FRMD4B: variants seen among roughly 807,000 people sequenced by gnomAD.
FRMD4B encodes FERM domain-containing protein 4B.
Under a neutral mutation model 141.5 loss-of-function variants are expected in FRMD4B, and 74 were observed. The observed-to-expected ratio is 0.52, with a 90% CI of 0.43 to 0.63. The LOEUF (loss-of-function observed/expected upper bound fraction) is 0.63, where lower values mean the gene tolerates loss of function less well. Ranked by LOEUF, FRMD4B falls within the 30% of genes least tolerant of loss-of-function variation. The pLI, the probability that FRMD4B is intolerant of heterozygous loss-of-function variation, is 0.00. For missense variants in FRMD4B, 1,366 were observed against 1,253.4 expected, an observed-to-expected ratio of 1.09 and a Z score of -1.36; for synonymous variants, 506 against 467.9, an observed-to-expected ratio of 1.08 and a Z score of -1.05.
rs1193833239 is a variant in FRMD4B at position 69,169,673 on chromosome 3, A to G, written c.*2188T>C. Among the ~76,000 whole-genome samples, 2 of 151,968 alleles carry G rather than the reference A, an allele frequency of 1.3e-5. No homozygotes were observed. The highest frequency in any genetic ancestry group is 3.9e-4 in the East Asian group (2 of 5,166). On this transcript the variant is annotated 3_prime_UTR_variant, in exon 23 of 23. Transcript: ENST00000398540. The stretch of plus-strand genomic sequence containing the variant: ...TGCCTGGCCCTGAGCTTCCATTTCT[A>G]TACCTTCTTTTCCTCTGTGGGAGCC...
In FRMD4B at chr3:69,435,983, T is replaced by C. The variant is rs150294666; in HGVS notation, c.-128-3222A>G. Among the ~76,000 whole-genome samples the C allele has an allele frequency of 1.6e-3, 245 of 152,320 alleles. 2 individuals carry two copies. The highest frequency in any genetic ancestry group is 3.4e-3 in the Middle Eastern group (1 of 294). On this transcript the variant is annotated intron_variant, in intron 1 of 5. Coordinates refer to the FRMD4B transcript ENST00000459638. ...ATTTGTATAAAAAGGTGCATATCTT[T>C]AGATAACAGAATCACTCTCAGCATA...
intron 1 of FRMD4B, among the ~76,000 whole-genome samples, chr3:69,326,571 C>T (rs1702199862): frequency 6.6e-6 from 1 of 152,174 alleles, no homozygotes; most frequent in Admixed American, 6.5e-5. Flanking sequence ...TACATTTTCC[C>T]CATTGAGCTC....
intron 5 of FRMD4B, among the ~76,000 whole-genome samples, chr3:69,253,959 T>C (rs1276491248): frequency 6.6e-6 from 1 of 152,026 alleles, no homozygotes; most frequent in Non-Finnish European, 1.5e-5. Flanking sequence ...CTCATGTCTA[T>C]ATTCCCACTA....
At chr3:69,334,383 C>T (rs1172079123) in intron 1 of FRMD4B, 1 of 149,362 alleles carries the variant, frequency 6.7e-6, no homozygotes, top group African/African-American at 2.5e-5. Context: ...CTATAAATCC[C>T]AGGACTTTGG....
chr3:69,519,100 T>G (rs1393421503), intron 1 of FRMD4B, among the ~76,000 whole-genome samples: 1 of 152,224 alleles, frequency 6.6e-6, no homozygotes, highest in African/African-American at 2.4e-5. Context: ...AACAGTATCC[T>G]CCATTTCTTT....
chr3:69,346,635 G>A (rs113936093), intron 1 of FRMD4B, among the ~76,000 whole-genome samples: 16 of 152,004 alleles, frequency 1.1e-4, no homozygotes, highest in African/African-American at 2.2e-4. Flanking sequence ...GGGATCTCTC[G>A]GCAGAAACTC....
Position 69,181,689 on chromosome 3 carries a change from G to A in FRMD4B, c.2061C>T (p.His687=), listed in dbSNP as rs749868604. ...SHLEPESSSQ[H]CRQRSGSLES... is the part of the protein sequence containing the mutation. ...CCAGGCTTCCACTCCGCTGGCGGCAGTGCTGAGATGAAGATTCGGGTCTGA... is the reference window on the plus strand; with the variant it reads ...CCAGGCTTCCACTCCGCTGGCGGCAATGCTGAGATGAAGATTCGGGTCTGA... Residue 687 remains histidine (H), a synonymous_variant, in exon 21 of 23, where the codon CAC becomes CAT. Transcript: ENST00000398540. The A allele has an allele frequency of 2.5e-6, 4 of 1,612,034 alleles. No homozygotes were observed. The highest frequency in any genetic ancestry group is 3.4e-6 in the Non-Finnish European group (4 of 1,178,720).
chr3:69,506,223 C>T (rs935382129), intron 1 of FRMD4B, among the ~76,000 whole-genome samples: 1 of 152,114 alleles, frequency 6.6e-6, no homozygotes, highest in African/African-American at 2.4e-5. Flanking sequence ...ATCTTCACCC[C>T]ACTTCCTCTT....
chr3:69,174,136 TG>T (rs1182438273), intron 22 of FRMD4B, among the ~76,000 whole-genome samples: 4 of 24,438 alleles, frequency 1.6e-4, no homozygotes, highest in Middle Eastern at 0.018. Context: ...GGCTCCGTCT[TG>T]GGAAGAAAAA....
intron 2 of FRMD4B, among the ~76,000 whole-genome samples, chr3:69,421,341 A>C (rs1230445546): frequency 6.6e-6 from 1 of 152,184 alleles, no homozygotes; most frequent in Non-Finnish European, 1.5e-5. Flanking sequence ...TCTGAGGTTG[A>C]ATTAGATTAG....
intron 1 of FRMD4B, among the ~76,000 whole-genome samples, chr3:69,359,974 G>A (rs1703427825): frequency 6.6e-6 from 1 of 152,182 alleles, no homozygotes. Context: ...CAGGGCCCAT[G>A]CTCTTACAAA....
chr3:69,243,383 C>T (rs921602786), intron 7 of FRMD4B, among the ~76,000 whole-genome samples: 20 of 151,968 alleles, frequency 1.3e-4, no homozygotes, highest in Admixed American at 4.6e-4. Context: ...ATGGGCCATG[C>T]GGAGAAAAAA....
intron 1 of FRMD4B, among the ~76,000 whole-genome samples, chr3:69,376,306 G>A (rs922576414): frequency 1.3e-5 from 2 of 152,104 alleles, no homozygotes; most frequent in African/African-American, 4.8e-5. Context: ...ACAGTGCTGG[G>A]AGCATAGATT....
chr3:69,517,443 A>C (rs888618358), intron 1 of FRMD4B, among the ~76,000 whole-genome samples: 2 of 152,196 alleles, frequency 1.3e-5, no homozygotes, highest in African/African-American at 4.8e-5. Flanking sequence ...CAGAGAAAAA[A>C]AAATTTTAAC....
chr3:69,537,965 G>T (rs1312064931), intron 1 of FRMD4B, among the ~76,000 whole-genome samples: 2 of 152,188 alleles, frequency 1.3e-5, no homozygotes, highest in African/African-American at 4.8e-5. Context: ...CATTGCTGGG[G>T]CAAAGCCCTC....
intron 1 of FRMD4B, among the ~76,000 whole-genome samples, chr3:69,370,518 G>T (rs897015929): frequency 6.6e-6 from 1 of 152,264 alleles, no homozygotes; most frequent in Non-Finnish European, 1.5e-5. Context: ...CTTTTCTGAT[G>T]AAATGGTCGT....
intron 4 of FRMD4B, among the ~76,000 whole-genome samples, chr3:69,294,647 G>A (rs1456964420): frequency 6.6e-6 from 1 of 152,192 alleles, no homozygotes; most frequent in Admixed American, 6.5e-5. Context: ...CTCTTTCTGA[G>A]TTATCTAGAA....
chr3:69,351,563 C>T (rs917930345), intron 1 of FRMD4B, among the ~76,000 whole-genome samples: 1 of 152,194 alleles, frequency 6.6e-6, no homozygotes, highest in Non-Finnish European at 1.5e-5. Flanking sequence ...GAACAGAAAG[C>T]AGAATCTCAT....
At chr3:69,240,485 A>G (rs1195645004) in intron 7 of FRMD4B, among the ~76,000 whole-genome samples, 22 of 137,056 alleles carry the variant, frequency 1.6e-4, no homozygotes, top group Admixed American at 9.7e-4. Context: ...TCTGTCTCAA[A>G]AAAAAAAAAA....
Sources: gnomAD v4.1 joint callset for allele counts (sites outside exome capture counted in the v4.1 genomes callset) on GRCh38, gnomAD v4.1.1 for gene constraint, MANE v1.5 for transcripts, NCBI Gene and HGNC (gene_info 2026-07-23, HGNC 2026-07-21) for gene names.